ARFGEF3: variants seen among roughly 807,000 people sequenced by gnomAD.
ARFGEF3 encodes the protein ARFGEF family member 3.
In ARFGEF3, 96 loss-of-function variants were observed where a neutral mutation model predicts 221.7. The observed-to-expected ratio is 0.43, with a 90% CI of 0.37 to 0.51. ARFGEF3 has a LOEUF of 0.51. Ranked by LOEUF, ARFGEF3 falls within the 20% of genes least tolerant of loss-of-function variation. The pLI is 0.00. For missense variants in ARFGEF3, 2,410 were observed against 2,789.9 expected (o/e 0.86, Z 3.07); for synonymous variants, 1,145 against 1,126.8 (o/e 1.02, Z -0.32).
intron 4 of ARFGEF3, among the ~76,000 whole-genome samples, chr6:138,220,703 G>T (rs561767311): frequency 1.3e-5 from 2 of 152,128 alleles, no homozygotes; most frequent in Admixed American, 1.3e-4. Flanking sequence ...TAATATACTT[G>T]CTAGAAGGAC....
At chr6:138,299,471 C>A (rs745759685) in intron 22 of ARFGEF3, among the ~76,000 whole-genome samples, 1 of 152,090 alleles carries the variant, frequency 6.6e-6, no homozygotes, top group African/African-American at 2.4e-5. Flanking sequence ...CTGGAGACTT[C>A]GTATTTCACA....
chr6:138,256,278 A>G (rs957927771), intron 10 of ARFGEF3, among the ~76,000 whole-genome samples: 3 of 152,142 alleles, frequency 2.0e-5, no homozygotes, highest in African/African-American at 2.4e-5. Context: ...CCAGATTGCA[A>G]TAGCCATCCC....
In ARFGEF3 at chr6:138,170,648, T is replaced by A. The variant is rs763190778; in HGVS notation, c.86-14T>A. The A allele has an allele frequency of 6.7e-6, 10 of 1,482,246 alleles. No individual in the cohort carries two copies. The highest frequency in any genetic ancestry group is 1.4e-5 in the African/African-American group (1 of 71,992). 91.8% of individuals were successfully genotyped at this position (1,482,246 alleles called of 1,614,324 possible). ...TTAAATATTTATTTTAACTTTGTAA[T>A]TTTTCTTTTGCAGAAACTCTAGGTG... On this transcript the variant is annotated splice_polypyrimidine_tract_variant and intron_variant, in intron 1 of 33. Transcript: ENST00000251691.
intron 32 of ARFGEF3, among the ~76,000 whole-genome samples, chr6:138,329,941 G>A (rs1780194491): frequency 6.6e-6 from 1 of 151,968 alleles, no homozygotes; most frequent in Non-Finnish European, 1.5e-5. Context: ...ATAGGGGTGG[G>A]GCCGTTTTAT....
At chr6:138,201,412 A>G (rs1451390167) in intron 2 of ARFGEF3, among the ~76,000 whole-genome samples, 1 of 152,226 alleles carries the variant, frequency 6.6e-6, no homozygotes, top group East Asian at 1.9e-4. Flanking sequence ...AAATCGTGGA[A>G]CCAACTCAAA....
chr6:138,298,528 TG>T, intron 21 of ARFGEF3, 77 bp from the exon 22 acceptor site: 1 of 1,120,054 alleles, frequency 8.9e-7, no homozygotes, highest in Non-Finnish European at 1.3e-6. Context: ...TGTAATGAGG[TG>T]GGGTAGGAAA....
intron 4 of ARFGEF3, among the ~76,000 whole-genome samples, chr6:138,224,822 G>C (rs543030416): frequency 1.9e-4 from 29 of 152,344 alleles, no homozygotes; most frequent in African/African-American, 6.7e-4. Context: ...ATAGGAATAA[G>C]TGTTTTGAGT....
At chr6:138,218,606 C>T in intron 4 of ARFGEF3, 1 of 900,944 alleles carries the variant, frequency 1.1e-6, no homozygotes, top group African/African-American at 1.7e-5. Context: ...TCCAGAAGAG[C>T]TCTGTAATTA....
intron 22 of ARFGEF3, among the ~76,000 whole-genome samples, chr6:138,301,629 C>T (rs1779630358): frequency 6.6e-6 from 1 of 152,104 alleles, no homozygotes; most frequent in Non-Finnish European, 1.5e-5. Flanking sequence ...CATAGAGGGA[C>T]CAGATAGTCT....
chr6:138,274,810 A>AG (rs1371263092), intron 12 of ARFGEF3, among the ~76,000 whole-genome samples: 48 of 150,374 alleles, frequency 3.2e-4, no homozygotes, highest in African/African-American at 1.2e-3. Flanking sequence ...AAAAAAAAAA[A>AG]AATGCACCTC....
chr6:138,228,215 C>T (rs1199163633), intron 4 of ARFGEF3, among the ~76,000 whole-genome samples: 2 of 131,032 alleles, frequency 1.5e-5, no homozygotes, highest in African/African-American at 5.6e-5. Flanking sequence ...CTCACTCTGT[C>T]ACCCAGGCTG....
chr6:138,287,100 C>T lies in ARFGEF3; in HGVS notation c.2812C>T (p.Leu938Phe). 2.5e-6 allele frequency: 4 copies of T among 1,576,650 alleles called. No individual in the cohort carries two copies. Among genetic ancestry groups the T allele is most frequent in the South Asian group, 2.3e-5 (2 of 86,050 alleles). ...CGTTGCTGCTAACTGCGCCTCAGCCCTTGCCCAGATGGCAGCTGCCTCCTG... is the reference window on the plus strand; with the variant it reads ...CGTTGCTGCTAACTGCGCCTCAGCCTTTGCCCAGATGGCAGCTGCCTCCTG... ...LGVAANCASA[L>F]AQMAAASCVQ... Residue 938 changes from leucine (L) to phenylalanine (F), a missense_variant, in exon 17 of 34, where the codon CTT becomes TTT. Coordinates refer to ENST00000251691, the MANE Select transcript of ARFGEF3 (RefSeq NM_020340.5).
chr6:138,185,068 C>A (rs1777155791), intron 2 of ARFGEF3, among the ~76,000 whole-genome samples: 1 of 152,236 alleles, frequency 6.6e-6, no homozygotes, highest in Non-Finnish European at 1.5e-5. Context: ...GGTATAGGAT[C>A]TGCTCTTATT....
intron 1 of ARFGEF3, among the ~76,000 whole-genome samples, chr6:138,168,940 C>T (rs115234054): frequency 2.0e-4 from 30 of 152,274 alleles, no homozygotes; most frequent in African/African-American, 6.5e-4. Flanking sequence ...TAGCCCAGGA[C>T]CTGGTTCAGT....
At chr6:138,286,280 C>T (rs566559897) in intron 15 of ARFGEF3, among the ~76,000 whole-genome samples, 3 of 152,052 alleles carry the variant, frequency 2.0e-5, no homozygotes, top group Non-Finnish European at 2.9e-5. Flanking sequence ...GAAACCACGT[C>T]TCTACTAAAA....
intron 12 of ARFGEF3, among the ~76,000 whole-genome samples, chr6:138,263,836 G>A (rs564667428): frequency 6.6e-6 from 1 of 152,342 alleles, no homozygotes; most frequent in South Asian, 2.1e-4. Flanking sequence ...GCTGATAAAT[G>A]TATAGGATGT....
chr6:138,301,420 G>T (rs1779626846), intron 22 of ARFGEF3, among the ~76,000 whole-genome samples: 1 of 152,232 alleles, frequency 6.6e-6, no homozygotes, highest in South Asian at 2.1e-4. Flanking sequence ...GAGGCTGACT[G>T]AGACAATCAT....
rs761888511 is a variant in ARFGEF3 at position 138,291,910 on chromosome 6, G to C, written c.3225G>C (p.Thr1075=). The change falls in exon 19 of 34, where the codon ACG becomes ACC. Residue 1075 remains threonine, a synonymous_variant. Transcript: ENST00000251691. This position sits in a 1 kb window ranked among gnomAD's most constrained non-coding sequence, Gnocchi z 4.5. ...HSPEQGRSLS[T]APVVQPLSIQ... is the part of the protein sequence containing the mutation. Reference sequence around the variant, plus strand: ...CGGAGCAGGGGCGCTCCCTGAGCACGGCCCCTGTCGTCCAGCCCCTGTCCA... The same window carrying C: ...CGGAGCAGGGGCGCTCCCTGAGCACCGCCCCTGTCGTCCAGCCCCTGTCCA... 4.7e-6 allele frequency: 7 copies of C among 1,485,890 alleles called. No individual in the cohort carries two copies. In the South Asian group the frequency reaches 9.2e-5, roughly 19 times the overall value. The allele number at this position is 1,485,890 out of a possible 1,614,324, so 92.0% of individuals were successfully genotyped here. A position where few individuals can be genotyped will look rare whatever the true frequency, so the allele number is the denominator to read the frequency against.
At chr6:138,182,548 G>A (rs1777097282) in intron 2 of ARFGEF3, among the ~76,000 whole-genome samples, 1 of 152,144 alleles carries the variant, frequency 6.6e-6, no homozygotes, top group Non-Finnish European at 1.5e-5. Flanking sequence ...AATTATTAGA[G>A]CTATTAAGAT....
Sources: gnomAD v4.1 joint callset for allele counts (sites outside exome capture counted in the v4.1 genomes callset) on GRCh38, gnomAD v4.1.1 for gene constraint, Gnocchi (gnomAD v3.1) non-coding constraint, MANE v1.5 for transcripts, NCBI Gene and HGNC (gene_info 2026-07-23, HGNC 2026-07-21) for gene names.